Variants in CACNA2D1 observed in about 807,000 individuals in gnomAD.
CACNA2D1 encodes the protein calcium voltage-gated channel auxiliary subunit alpha2delta 1.
In CACNA2D1, 53 loss-of-function variants were observed where a neutral mutation model predicts 171.5. That is an observed-to-expected ratio of 0.31 (90% CI 0.25 to 0.39). The LOEUF is 0.39. CACNA2D1 is among the 10% of genes least tolerant of loss of function. CACNA2D1 has a pLI of 1.00. For synonymous variants in CACNA2D1, 442 were observed against 443.1 expected (o/e 1.00, Z 0.03); for missense variants, 903 against 1,299.8 (o/e 0.69, Z 4.69).
intron 1 of CACNA2D1, among the ~76,000 whole-genome samples, chr7:82,394,390 A>C (rs1825554462): frequency 6.6e-6 from 1 of 152,106 alleles, no homozygotes; most frequent in Non-Finnish European, 1.5e-5. Context: ...GAAAAGAAAC[A>C]AGGGAGAAAG....
At chr7:82,252,233 A>G (rs1448654100) in intron 3 of CACNA2D1, among the ~76,000 whole-genome samples, 3 of 152,202 alleles carry the variant, frequency 2.0e-5, no homozygotes, top group Admixed American at 2.0e-4. Flanking sequence ...TGATAGGCCA[A>G]GCATTTTGCA....
At chr7:82,193,656 C>CAA (rs1286278779) in intron 3 of CACNA2D1, among the ~76,000 whole-genome samples, 1 of 151,948 alleles carries the variant, frequency 6.6e-6, no homozygotes, top group African/African-American at 2.4e-5. Context: ...TTTTCCGAAT[C>CAA]ACTTTTACAA....
chr7:82,085,686 G>GTT (rs199517326), intron 6 of CACNA2D1, among the ~76,000 whole-genome samples: 46 of 147,414 alleles, frequency 3.1e-4, no homozygotes, highest in African/African-American at 8.9e-4. Context: ...ATAAACAATA[G>GTT]TTTTTTTTTT....
intron 3 of CACNA2D1, among the ~76,000 whole-genome samples, chr7:82,275,810 C>G (rs1809245078): frequency 6.6e-6 from 1 of 152,114 alleles, no homozygotes. Context: ...TACATTTGCT[C>G]TTTGACAGAC....
chr7:82,378,533 T>C lies in CACNA2D1; in HGVS notation c.96-28884A>G, dbSNP rs150207862. On this transcript the variant is annotated intron_variant, in intron 1 of 38. Coordinates refer to ENST00000356860, the MANE Select transcript of CACNA2D1 (RefSeq NM_000722.4). Reference sequence around the variant, plus strand: ...AAAATTATATTTTGTTATTGTTTTTTAACGATAGAATTTCTTTTGAACCAT... The same window carrying C: ...AAAATTATATTTTGTTATTGTTTTTCAACGATAGAATTTCTTTTGAACCAT... 3.0e-3 allele frequency among the ~76,000 whole-genome samples: 459 copies of C among 152,352 alleles called. 1 individual carries two copies. The highest frequency in any genetic ancestry group is 0.01 in the African/African-American group (423 of 41,600).
At chr7:82,302,126 T>C (rs1466327594) in intron 3 of CACNA2D1, among the ~76,000 whole-genome samples, 1 of 152,218 alleles carries the variant, frequency 6.6e-6, no homozygotes, top group Non-Finnish European at 1.5e-5. Flanking sequence ...CATGAACCTA[T>C]AAACTCTATT....
intron 18 of CACNA2D1, among the ~76,000 whole-genome samples, chr7:81,999,721 C>T (rs951428032): frequency 1.3e-5 from 2 of 152,026 alleles, no homozygotes; most frequent in African/African-American, 4.8e-5. Context: ...CTAAAATGCA[C>T]ATGACTGCAA....
At position 81,967,202 on chromosome 7, in the gene CACNA2D1, A is replaced by G; in HGVS notation, c.2469T>C (p.Ala823=). The change falls in exon 31 of 39, where the codon GCT becomes GCC. Residue 823 remains alanine, a synonymous_variant. Transcript: ENST00000356860. The part of the protein sequence containing the change: ...FTKTSIRDPC[A]GPVCDCKRNS... ...TTCTTTTGCAGTCACAAACTGGACC[A>G]GCACACTGAAAGACAAAAATGCGAT... The G allele has an allele frequency of 6.2e-7, 1 of 1,608,274 alleles. No individual in the cohort carries two copies.
At chr7:82,398,054 A>G (rs1326812664) in intron 1 of CACNA2D1, among the ~76,000 whole-genome samples, 1 of 152,196 alleles carries the variant, frequency 6.6e-6, no homozygotes, top group Non-Finnish European at 1.5e-5. Flanking sequence ...TAGACAGGCT[A>G]TGTCCAACTA....
Position 82,394,120 on chromosome 7 carries a change from G to T in CACNA2D1, c.96-44471C>A, listed in dbSNP as rs376985258. Among the ~76,000 whole-genome samples the T allele has an allele frequency of 3.3e-5, 5 of 152,284 alleles. No individual in the cohort carries two copies. In the East Asian group the frequency reaches 9.7e-4, roughly 29 times the overall value. Reference sequence around the variant, plus strand: ...GTAAAAGGTAGAATGGGACTCAAAGGAGGGTTTTATTAACTCTAGGTTGAA... The same window carrying T: ...GTAAAAGGTAGAATGGGACTCAAAGTAGGGTTTTATTAACTCTAGGTTGAA... On this transcript the variant is annotated intron_variant, in intron 1 of 38. Coordinates refer to ENST00000356860, the MANE Select transcript of CACNA2D1 (RefSeq NM_000722.4).
intron 1 of CACNA2D1, among the ~76,000 whole-genome samples, chr7:82,419,671 G>A (rs146498514): frequency 9.2e-5 from 14 of 152,200 alleles, no homozygotes; most frequent in South Asian, 8.3e-4. Context: ...TAGCATATTC[G>A]TTATTGGGAA....
At chr7:82,057,001 T>G (rs941806481) in intron 10 of CACNA2D1, among the ~76,000 whole-genome samples, 1 of 152,090 alleles carries the variant, frequency 6.6e-6, no homozygotes, top group East Asian at 1.9e-4. Context: ...ATTGGGACAG[T>G]CTCCTCTAAA....
intron 3 of CACNA2D1, among the ~76,000 whole-genome samples, chr7:82,284,882 A>C (rs1049978991): frequency 1.3e-5 from 2 of 152,132 alleles, no homozygotes; most frequent in Non-Finnish European, 2.9e-5. Context: ...AGCCCTTCAG[A>C]ACTTAACAAA....
At chr7:82,226,013 T>A (rs1318128213) in intron 3 of CACNA2D1, among the ~76,000 whole-genome samples, 2 of 152,146 alleles carry the variant, frequency 1.3e-5, no homozygotes, top group Non-Finnish European at 2.9e-5. Context: ...AAACCTAACA[T>A]AATTGTATTT....
intron 1 of CACNA2D1, among the ~76,000 whole-genome samples, chr7:82,414,737 T>G (rs1278385086): frequency 2.0e-5 from 3 of 152,156 alleles, no homozygotes; most frequent in Non-Finnish European, 4.4e-5. Flanking sequence ...GAAGTTGAAC[T>G]TAACACTCAA....
intron 4 of CACNA2D1, among the ~76,000 whole-genome samples, chr7:82,144,518 A>G (rs957816359): frequency 6.6e-6 from 1 of 152,082 alleles, no homozygotes; most frequent in Admixed American, 6.6e-5. Flanking sequence ...TGGAATAAAA[A>G]CTCAGATGTG....
intron 6 of CACNA2D1, among the ~76,000 whole-genome samples, chr7:82,100,333 T>C (rs2129034416): frequency 6.6e-6 from 1 of 152,280 alleles, no homozygotes; most frequent in African/African-American, 2.4e-5. Context: ...TTATTTCATA[T>C]AAAGTTTTTT....
chr7:82,363,561 C>T (rs960591902), intron 1 of CACNA2D1, among the ~76,000 whole-genome samples: 1 of 151,918 alleles, frequency 6.6e-6, no homozygotes, highest in African/African-American at 2.4e-5. Context: ...CACCACGCCC[C>T]GCCTGTTTGT....
At chr7:81,962,124 G>T in intron 35 of CACNA2D1, 101 bp from the exon 36 acceptor site, 2 of 1,149,388 alleles carry the variant, frequency 1.7e-6, no homozygotes, top group Non-Finnish European at 1.3e-6. Context: ...CAAAATAAAC[G>T]TATAAGACCA....
Sources: allele counts gnomAD v4.1 joint callset (sites outside exome capture counted in the v4.1 genomes callset), GRCh38; gene constraint gnomAD v4.1.1; transcripts MANE v1.5; gene names NCBI Gene and HGNC (gene_info 2026-07-23, HGNC 2026-07-21).